NUP160: variants seen among roughly 807,000 people sequenced by gnomAD.
NUP160 encodes nuclear pore complex protein Nup160.
In NUP160, 94 loss-of-function variants were observed where a neutral mutation model predicts 196.9. The observed-to-expected ratio is 0.48, with a 90% CI of 0.40 to 0.57. The LOEUF (loss-of-function observed/expected upper bound fraction) is 0.57. NUP160 is among the 20% of genes least tolerant of loss of function. NUP160 has a pLI of 0.00. For missense variants in NUP160, 1,638 were observed against 1,748.3 expected (o/e 0.94, Z 1.13); for synonymous variants, 605 against 619.7 (o/e 0.98, Z 0.35).
At chr11:47,821,606 TGCCTCG>T in intron 9 of NUP160, 112 bp downstream of exon 9, 1 of 702,918 alleles carries the variant, frequency 1.4e-6, no homozygotes, top group South Asian at 1.8e-5. Context: ...GTGATTTGCC[TGCCTCG>T]GCCTCTCAAA....
At chr11:47,833,772 G>A (rs1321454405) in intron 7 of NUP160, among the ~76,000 whole-genome samples, 1 of 151,932 alleles carries the variant, frequency 6.6e-6, no homozygotes, top group Non-Finnish European at 1.5e-5. Flanking sequence ...GACCAGCCTG[G>A]CCAATATGGT....
At chr11:47,799,402 T>C (rs1221923095) in intron 23 of NUP160, among the ~76,000 whole-genome samples, 1 of 152,064 alleles carries the variant, frequency 6.6e-6, no homozygotes, top group East Asian at 1.9e-4. Flanking sequence ...ACATTTTTGA[T>C]TGTCCACCCT....
At chr11:47,848,023 C>T in intron 1 of NUP160, 64 bp from the exon 2 acceptor site, 1 of 1,392,940 alleles carries the variant, frequency 7.2e-7, no homozygotes. Context: ...ACTAAGGGAG[C>T]TGACAAAGCA....
At position 47,807,109 on chromosome 11, in the gene NUP160, C is replaced by T. The variant is rs775637217; in HGVS notation, c.2407G>A (p.Glu803Lys). Residue 803 changes from glutamate (E) to lysine (K), a missense_variant, in exon 19 of 36, where the codon GAA (glutamate) becomes AAA (lysine). By Grantham distance (56) the Glu-to-Lys change is moderately conservative. Coordinates refer to ENST00000378460, the Ensembl canonical transcript of NUP160. The stretch of plus-strand genomic sequence containing the variant: ...ATTAAAGCACCAGAGTCTGTTAATT[C>T]CAGTACTGATAAGTGTTGGAGATTA... 10 of 1,612,162 alleles carry T rather than the reference C, an allele frequency of 6.2e-6. No homozygotes were observed. In the East Asian group the frequency reaches 2.2e-4, roughly 36 times the overall value.
At chr11:47,826,130 A>G (rs1391279215) in intron 7 of NUP160, among the ~76,000 whole-genome samples, 1 of 152,088 alleles carries the variant, frequency 6.6e-6, no homozygotes, top group African/African-American at 2.4e-5. Context: ...AGCAGGTCTC[A>G]AACAGCATTA....
intron 27 of NUP160, among the ~76,000 whole-genome samples, chr11:47,793,722 GTTTTTTTTTTTTTTTT>G (rs750497969): frequency 1.7e-4 from 15 of 87,644 alleles, no homozygotes; most frequent in Admixed American, 4.7e-4. Flanking sequence ...TAAGATATCT[GTTTTTTTTTTTTTTTT>G]TTTTTTTTTT....
intron 31 of NUP160, 25 bp downstream of exon 31, chr11:47,788,157 T>A: frequency 1.9e-6 from 3 of 1,588,894 alleles, no homozygotes; most frequent in Non-Finnish European, 2.6e-6. Flanking sequence ...TAGAAAAGAC[T>A]ATAAAAAAAT....
chr11:47,797,323 C>T (rs78244198), intron 27 of NUP160, among the ~76,000 whole-genome samples: 1,527 of 152,228 alleles, frequency 0.01, 13 homozygotes, highest in Non-Finnish European at 0.017. Context: ...CTCCGCCCCC[C>T]GCCCCACCCT....
rs760789474 is a variant in NUP160, at chr11:47,832,352, C to CA, written c.1101+3298dup. Among the ~76,000 whole-genome samples, 116 of 152,248 alleles carry CA rather than the reference C, an allele frequency of 7.6e-4. No individual in the cohort carries two copies. In the Middle Eastern group the frequency reaches 0.01, roughly 13 times the overall value. On this transcript the variant is annotated intron_variant, in intron 7 of 35. Coordinates refer to ENST00000378460, the Ensembl canonical transcript of NUP160. ...CTTGGTAAAACTAATGAAAGGCCACCAGGTTAGGAAGATGAGAGGGGCCCG... is the reference window on the plus strand; with the variant it reads ...CTTGGTAAAACTAATGAAAGGCCACCAAGGTTAGGAAGATGAGAGGGGCCCG...
chr11:47,787,089 C>CTTTTT (rs56249837), intron 31 of NUP160: 32,411 of 140,746 alleles, frequency 0.23, 4,736 homozygotes, highest in African/African-American at 0.38. Context: ...CACCTGGCCT[C>CTTTTT]TTTTTTTTTT....
At chr11:47,815,450 A>G in intron 13 of NUP160, 29 bp downstream of exon 13, 1 of 1,522,082 alleles carries the variant, frequency 6.6e-7, no homozygotes, top group Non-Finnish European at 8.8e-7. Context: ...TGTCTCAAGA[A>G]GGTCTTCTCT....
intron 7 of NUP160, among the ~76,000 whole-genome samples, chr11:47,828,528 A>T (rs1394677699): frequency 6.6e-6 from 1 of 152,214 alleles, no homozygotes; most frequent in Non-Finnish European, 1.5e-5. Context: ...TCATCTATAG[A>T]GGCAACACAA....
intron 9 of NUP160, among the ~76,000 whole-genome samples, chr11:47,819,921 T>C (rs1197384686): frequency 6.6e-6 from 1 of 152,228 alleles, no homozygotes; most frequent in African/African-American, 2.4e-5. Flanking sequence ...AGCTAGTAAG[T>C]TGCACAACTA....
At chr11:47,837,654 A>G in intron 4 of NUP160, 31 bp from the exon 5 acceptor site, 1 of 1,563,222 alleles carries the variant, frequency 6.4e-7, no homozygotes, top group Non-Finnish European at 8.8e-7. Context: ...CCTCTTGAAC[A>G]CACTTAGAGA....
chr11:47,819,362 G>T lies in NUP160; in HGVS notation c.1362+12C>A. On this transcript the variant is annotated intron_variant, in intron 10 of 35. Coordinates refer to ENST00000378460, the Ensembl canonical transcript of NUP160. The stretch of plus-strand genomic sequence containing the variant: ...AATCATTCCCTTATATAACATTTGA[G>T]CATCTACTTACTCTGGGGTCTTGAT... The T allele has an allele frequency of 1.3e-6, 2 of 1,545,886 alleles. No individual in the cohort carries two copies. The highest frequency in any genetic ancestry group is 1.8e-6 in the Non-Finnish European group (2 of 1,119,974).
At chr11:47,813,279 G>A (rs1401137950) in intron 14 of NUP160, 37 bp downstream of exon 14, 5 of 1,398,890 alleles carry the variant, frequency 3.6e-6, no homozygotes, top group African/African-American at 2.8e-5. Flanking sequence ...GTTTATATAG[G>A]AAGGGGATTA....
chr11:47,796,450 C>A, intron 27 of NUP160: 1 of 300,682 alleles, frequency 3.3e-6, no homozygotes, highest in Non-Finnish European at 6.1e-6. Context: ...CTTTAACTTC[C>A]TCCCAGAAGG....
chr11:47,779,053 CT>C, exon 36 of NUP160: 1 of 1,341,242 alleles, frequency 7.5e-7, no homozygotes, highest in Non-Finnish European at 1.1e-6. Flanking sequence ...GTAGGGTAGT[CT>C]TAAGTCCTAA....
chr11:47,819,349 A>G (rs369320373), intron 10 of NUP160, 25 bp downstream of exon 10: 3 of 1,416,196 alleles, frequency 2.1e-6, no homozygotes, highest in African/African-American at 2.8e-5. Context: ...TCATTCCCTT[A>G]TATAACATTT....
Sources: allele counts gnomAD v4.1 joint callset (sites outside exome capture counted in the v4.1 genomes callset), GRCh38; gene constraint gnomAD v4.1.1; transcripts MANE v1.5; gene names NCBI Gene and HGNC (gene_info 2026-07-23, HGNC 2026-07-21).